Variants in FGF14 observed in about 807,000 individuals in gnomAD.
FGF14 encodes the protein fibroblast growth factor homologous factor 4.
A neutral mutation model predicts 25.5 loss-of-function variants in FGF14; 5 were observed. The ratio of observed to expected loss-of-function variants is 0.20; its 90% confidence interval spans 0.10 to 0.41. The LOEUF is 0.41. FGF14 is among the 10% of genes least tolerant of loss of function. The probability of loss-of-function intolerance (pLI) is 1.00; values close to 1 mark genes in which losing one functional copy is unlikely to be tolerated. For synonymous variants in FGF14, 138 were observed against 118.3 expected (o/e 1.17, Z -1.08); for missense variants, 222 against 320.1 (o/e 0.69, Z 2.34).
In FGF14 at chr13:102,025,778, TCTTAA is replaced by T. The variant is rs1566587807; in HGVS notation, c.209-150487_209-150483del. Among the ~76,000 whole-genome samples, 3 of 152,224 alleles carry T rather than the reference TCTTAA, an allele frequency of 2.0e-5. No homozygotes were observed. The South Asian group carries it at 6.2e-4, about 32-fold the overall frequency. On this transcript the variant is annotated intron_variant, in intron 1 of 4. Transcript: ENST00000376131. The stretch of plus-strand genomic sequence containing the variant: ...TTTGATGATATTCTAAGTGCCATTT[TCTTAA>T]CTTCACTTTCAGATTTTTCATTGTT...
At chr13:101,750,833 G>C (rs1259153569) in intron 3 of FGF14, among the ~76,000 whole-genome samples, 2 of 152,056 alleles carry the variant, frequency 1.3e-5, no homozygotes, top group Non-Finnish European at 2.9e-5. Flanking sequence ...AAGCTTTCCA[G>C]ACAATGGAAT....
At chr13:101,801,470 A>T (rs2040866373) in intron 3 of FGF14, among the ~76,000 whole-genome samples, 1 of 152,106 alleles carries the variant, frequency 6.6e-6, no homozygotes, top group African/African-American at 2.4e-5. Context: ...ATTACTTTAA[A>T]AAGTGTGCAG....
chr13:102,381,040 G>C (rs2058171669), intron 1 of FGF14, among the ~76,000 whole-genome samples: 1 of 152,028 alleles, frequency 6.6e-6, no homozygotes, highest in Non-Finnish European at 1.5e-5. Context: ...CCTACAGTTG[G>C]GCAAAATCAT....
At chr13:101,798,828 A>G (rs760514590) in intron 3 of FGF14, among the ~76,000 whole-genome samples, 1 of 152,168 alleles carries the variant, frequency 6.6e-6, no homozygotes, top group Non-Finnish European at 1.5e-5. Context: ...TGTATACACT[A>G]AACTTATGAC....
chr13:102,262,183 A>G (rs1356934787), intron 1 of FGF14, among the ~76,000 whole-genome samples: 1 of 152,222 alleles, frequency 6.6e-6, no homozygotes, highest in Non-Finnish European at 1.5e-5. Flanking sequence ...AATAGATGTT[A>G]AAAATAAAGC....
intron 1 of FGF14, among the ~76,000 whole-genome samples, chr13:101,984,280 A>C (rs1183997698): frequency 6.6e-6 from 1 of 152,164 alleles, no homozygotes; most frequent in African/African-American, 2.4e-5. Context: ...TAAAACATGA[A>C]AAAAATGCAC....
At chr13:101,938,935 C>T (rs1350202206) in intron 1 of FGF14, among the ~76,000 whole-genome samples, 1 of 152,106 alleles carries the variant, frequency 6.6e-6, no homozygotes, top group Non-Finnish European at 1.5e-5. Flanking sequence ...TGATAATATC[C>T]GAAGACATTT....
chr13:102,363,033 C>T (rs2057611318), intron 1 of FGF14, among the ~76,000 whole-genome samples: 1 of 151,946 alleles, frequency 6.6e-6, no homozygotes, highest in African/African-American at 2.4e-5. Context: ...AATATTAAAC[C>T]ATTAAGGCAT....
At chr13:102,156,763 C>CA (rs2047361759) in intron 1 of FGF14, among the ~76,000 whole-genome samples, 1 of 152,124 alleles carries the variant, frequency 6.6e-6, no homozygotes, top group South Asian at 2.1e-4. Context: ...TAGAAAACCC[C>CA]ATTGTCTCAG....
intron 3 of FGF14, among the ~76,000 whole-genome samples, chr13:101,844,799 G>A (rs1336613637): frequency 6.6e-6 from 1 of 151,928 alleles, no homozygotes; most frequent in Non-Finnish European, 1.5e-5. Context: ...GCTTGAACAC[G>A]CATACCTTGG....
At chr13:101,803,122 T>C (rs2040986038) in intron 3 of FGF14, among the ~76,000 whole-genome samples, 1 of 149,784 alleles carries the variant, frequency 6.7e-6, no homozygotes, top group Non-Finnish European at 1.5e-5. Context: ...TGCTGTCATT[T>C]TGAAACTTTT....
intron 3 of FGF14, among the ~76,000 whole-genome samples, chr13:101,740,157 CAGATTT>C (rs2036449975): frequency 6.6e-6 from 1 of 152,142 alleles, no homozygotes; most frequent in Non-Finnish European, 1.5e-5. Flanking sequence ...TCGGGGAGCT[CAGATTT>C]TGAGGCAGTA....
intron 1 of FGF14, among the ~76,000 whole-genome samples, chr13:102,301,271 T>A (rs2055036806): frequency 6.6e-6 from 1 of 152,222 alleles, no homozygotes; most frequent in Admixed American, 6.5e-5. Flanking sequence ...CATTTTGGAA[T>A]GGAATAGTTC....
At chr13:102,097,980 G>A (rs1425047147) in intron 1 of FGF14, among the ~76,000 whole-genome samples, 3 of 152,226 alleles carry the variant, frequency 2.0e-5, no homozygotes, top group African/African-American at 7.2e-5. Flanking sequence ...CTGGAGACCT[G>A]CTGCTCACTG....
At chr13:102,167,680 C>A (rs572163363) in intron 1 of FGF14, among the ~76,000 whole-genome samples, 2 of 152,098 alleles carry the variant, frequency 1.3e-5, no homozygotes, top group African/African-American at 4.8e-5. Flanking sequence ...TAACACTGAA[C>A]CTGTTGAGTC....
At chr13:102,126,123 T>C (rs1258071860) in intron 1 of FGF14, among the ~76,000 whole-genome samples, 3 of 152,122 alleles carry the variant, frequency 2.0e-5, no homozygotes, top group African/African-American at 7.2e-5. Context: ...TGGCATTAAT[T>C]ATATTCAGAA....
At chr13:102,307,449 T>A (rs544910858) in intron 1 of FGF14, among the ~76,000 whole-genome samples, 32 of 152,264 alleles carry the variant, frequency 2.1e-4, no homozygotes, top group African/African-American at 7.7e-4. Flanking sequence ...TGTTTGTCAC[T>A]TAAAAATGGA....
intron 1 of FGF14, among the ~76,000 whole-genome samples, chr13:101,967,374 T>C (rs1014661123): frequency 1.3e-5 from 2 of 152,248 alleles, no homozygotes; most frequent in African/African-American, 4.8e-5. Flanking sequence ...AATGTTTTCC[T>C]TCTGATTGTG....
chr13:102,094,066 AAAAG>A (rs2044285310), intron 1 of FGF14, among the ~76,000 whole-genome samples: 1 of 149,044 alleles, frequency 6.7e-6, no homozygotes, highest in African/African-American at 2.5e-5. Flanking sequence ...CTAAAGCTAA[AAAAG>A]GAAGGAGAGG....
Sources: allele counts gnomAD v4.1 joint callset (sites outside exome capture counted in the v4.1 genomes callset), GRCh38; gene constraint gnomAD v4.1.1; transcripts MANE v1.5; gene names NCBI Gene and HGNC (gene_info 2026-07-23, HGNC 2026-07-21).